Variants in LSAMP observed in about 807,000 individuals in gnomAD.
The protein encoded by LSAMP is limbic system associated membrane protein, also known as limbic system-associated membrane protein.
LSAMP carries 7 observed loss-of-function variants against 38.6 expected under a neutral mutation model. That is an observed-to-expected ratio of 0.18 (90% CI 0.10 to 0.34). The LOEUF (loss-of-function observed/expected upper bound fraction) is 0.34, where lower values mean the gene tolerates loss of function less well. LSAMP is among the 10% of genes least tolerant of loss of function. The probability of loss-of-function intolerance (pLI) is 1.00; values close to 1 mark genes in which losing one functional copy is unlikely to be tolerated. For synonymous variants in LSAMP, 154 were observed against 166.8 expected (o/e 0.92, Z 0.59); for missense variants, 313 against 420.0 (o/e 0.75, Z 2.23).
At chr3:116,020,889 TC>T (rs1239452876) in intron 2 of LSAMP, among the ~76,000 whole-genome samples, 1 of 152,180 alleles carries the variant, frequency 6.6e-6, no homozygotes, top group Non-Finnish European at 1.5e-5. Context: ...ATGAATTGTA[TC>T]TTTTCTCATT....
At chr3:116,343,403 A>C (rs1020300204) in intron 1 of LSAMP, among the ~76,000 whole-genome samples, 4 of 152,136 alleles carry the variant, frequency 2.6e-5, no homozygotes, top group Non-Finnish European at 4.4e-5. Flanking sequence ...GGGAATGTGG[A>C]AGCAATATAA....
At chr3:116,212,575 A>T (rs2046172548) in intron 1 of LSAMP, among the ~76,000 whole-genome samples, 1 of 152,196 alleles carries the variant, frequency 6.6e-6, no homozygotes, top group South Asian at 2.1e-4. Flanking sequence ...AAAACTACAG[A>T]AGTAAAATTA....
chr3:116,335,415 TTA>T (rs1014591287), intron 1 of LSAMP, among the ~76,000 whole-genome samples: 4 of 151,936 alleles, frequency 2.6e-5, no homozygotes, highest in African/African-American at 9.7e-5. Flanking sequence ...AAAACAATAT[TTA>T]AAAACAAAAA....
At chr3:116,411,527 C>G (rs1264501246) in intron 1 of LSAMP, among the ~76,000 whole-genome samples, 1 of 146,866 alleles carries the variant, frequency 6.8e-6, no homozygotes, top group Admixed American at 7.0e-5. Context: ...ATCACAAGGA[C>G]AAAAAACCAA....
intron 1 of LSAMP, among the ~76,000 whole-genome samples, chr3:116,368,911 T>C (rs1003735363): frequency 2.0e-5 from 3 of 152,176 alleles, no homozygotes; most frequent in African/African-American, 7.2e-5. Context: ...AGTTAGAATT[T>C]TACTTCACTG....
At chr3:116,049,768 T>C (rs990976027) in intron 2 of LSAMP, among the ~76,000 whole-genome samples, 2 of 152,212 alleles carry the variant, frequency 1.3e-5, no homozygotes, top group African/African-American at 2.4e-5. Flanking sequence ...ATCTTTTCAC[T>C]TTATATTTCT....
At chr3:116,340,339 G>A (rs974159697) in intron 1 of LSAMP, among the ~76,000 whole-genome samples, 1 of 151,790 alleles carries the variant, frequency 6.6e-6, no homozygotes, top group Non-Finnish European at 1.5e-5. Flanking sequence ...TTCTTTTTTT[G>A]TGTTGTTGCA....
chr3:116,249,472 G>T (rs1309266954), intron 1 of LSAMP, among the ~76,000 whole-genome samples: 1 of 151,604 alleles, frequency 6.6e-6, no homozygotes, highest in African/African-American at 2.4e-5. Flanking sequence ...TACAACCTCT[G>T]TCTCCTAACT....
intron 3 of LSAMP, among the ~76,000 whole-genome samples, chr3:116,015,456 T>C (rs948419743): frequency 5.3e-5 from 8 of 152,142 alleles, no homozygotes; most frequent in Non-Finnish European, 1.0e-4. Context: ...GCAATTGCCC[T>C]CTGGGAGTCA....
intron 1 of LSAMP, among the ~76,000 whole-genome samples, chr3:116,395,934 A>C (rs540059207): frequency 5.3e-5 from 8 of 152,308 alleles, no homozygotes; most frequent in Non-Finnish European, 8.8e-5. Context: ...CAGAAGTGTG[A>C]ACTCAAGGAC....
At chr3:116,085,703 C>T (rs778961893) in intron 2 of LSAMP, among the ~76,000 whole-genome samples, 15 of 152,154 alleles carry the variant, frequency 9.9e-5, no homozygotes, top group Admixed American at 2.6e-4. Flanking sequence ...AACGATGACT[C>T]AGATGTGCCC....
At chr3:115,965,573 C>T (rs1420563001) in intron 3 of LSAMP, among the ~76,000 whole-genome samples, 1 of 148,602 alleles carries the variant, frequency 6.7e-6, no homozygotes, top group Non-Finnish European at 1.5e-5. Flanking sequence ...AAATAAAAAG[C>T]TATGATACCA....
At chr3:115,874,666 C>A (rs1311073504) in intron 3 of LSAMP, among the ~76,000 whole-genome samples, 4 of 152,110 alleles carry the variant, frequency 2.6e-5, no homozygotes, top group African/African-American at 9.7e-5. Flanking sequence ...AATAAACCAG[C>A]CTGTCTTCAA....
At chr3:115,902,296 T>A (rs1320870673) in intron 3 of LSAMP, among the ~76,000 whole-genome samples, 1 of 152,006 alleles carries the variant, frequency 6.6e-6, no homozygotes, top group Admixed American at 6.6e-5. Context: ...TAAGTGCCCA[T>A]GTATTGGAAA....
At chr3:116,381,238 T>C (rs2048554422) in intron 1 of LSAMP, among the ~76,000 whole-genome samples, 1 of 152,074 alleles carries the variant, frequency 6.6e-6, no homozygotes, top group Non-Finnish European at 1.5e-5. Flanking sequence ...AATATACAAG[T>C]TCAATGGATC....
intron 1 of LSAMP, among the ~76,000 whole-genome samples, chr3:116,423,072 T>C (rs1051479249): frequency 1.3e-5 from 2 of 152,178 alleles, no homozygotes; most frequent in Non-Finnish European, 2.9e-5. Flanking sequence ...CACAAAGACA[T>C]GGTTAACAGC....
At chr3:116,145,503 C>A (rs1361580597) in intron 1 of LSAMP, among the ~76,000 whole-genome samples, 1 of 152,050 alleles carries the variant, frequency 6.6e-6, no homozygotes, top group East Asian at 1.9e-4. Flanking sequence ...TGGAGGACCT[C>A]AGTCTTTTCT....
At chr3:116,128,700 T>A (rs1709061219) in intron 1 of LSAMP, among the ~76,000 whole-genome samples, 1 of 151,916 alleles carries the variant, frequency 6.6e-6, no homozygotes, top group South Asian at 2.1e-4. Context: ...ATCTGTTTCA[T>A]CATTACAATT....
chr3:116,106,210 T>A (rs1205229396), intron 1 of LSAMP, among the ~76,000 whole-genome samples: 1 of 152,172 alleles, frequency 6.6e-6, no homozygotes, highest in Admixed American at 6.5e-5. Context: ...TTCAAGAGTT[T>A]AGAGTAGCAG....
Sources: gnomAD v4.1 joint callset for allele counts (sites outside exome capture counted in the v4.1 genomes callset) on GRCh38, gnomAD v4.1.1 for gene constraint, MANE v1.5 for transcripts, NCBI Gene and HGNC (gene_info 2026-07-23, HGNC 2026-07-21) for gene names.